GABBR2: variants seen among roughly 807,000 people sequenced by gnomAD.
GABBR2 encodes the protein G-protein coupled receptor 51.
A neutral mutation model predicts 105.6 loss-of-function variants in GABBR2; 23 were observed. The observed-to-expected ratio is 0.22, with a 90% CI of 0.16 to 0.31. The LOEUF (loss-of-function observed/expected upper bound fraction) is 0.31. Ranked by LOEUF, GABBR2 falls within the 10% of genes least tolerant of loss-of-function variation. The probability of loss-of-function intolerance (pLI) is 1.00; values close to 1 mark genes in which losing one functional copy is unlikely to be tolerated. For synonymous variants in GABBR2, 478 were observed against 499.7 expected (o/e 0.96, Z 0.58); for missense variants, 734 against 1,245.5 (o/e 0.59, Z 6.18).
At chr9:98,501,436 A>G (rs1306840703) in intron 3 of GABBR2, among the ~76,000 whole-genome samples, 1 of 152,218 alleles carries the variant, frequency 6.6e-6, no homozygotes, top group Non-Finnish European at 1.5e-5. Flanking sequence ...AAGTGCTGCA[A>G]TTATAGGCGT....
At chr9:98,351,121 T>C (rs950897004) in intron 13 of GABBR2, among the ~76,000 whole-genome samples, 42 of 152,284 alleles carry the variant, frequency 2.8e-4, no homozygotes, top group African/African-American at 9.6e-4. Context: ...AGTCTATTTA[T>C]ATCTTTTTCA....
Position 98,454,276 on chromosome 9 carries a change from CTGA to C in GABBR2, c.1000-62_1000-60del. 1 of 1,175,670 alleles carries C rather than the reference CTGA, an allele frequency of 8.5e-7. No homozygotes were observed. The highest frequency in any genetic ancestry group is 1.3e-6 in the Non-Finnish European group (1 of 781,292). The allele number at this position is 1,175,670 out of a possible 1,614,324, so 72.8% of individuals were successfully genotyped here. On this transcript the variant is annotated intron_variant, in intron 6 of 18. Coordinates refer to ENST00000259455, the MANE Select transcript of GABBR2 (RefSeq NM_005458.8). This position sits in a 1 kb window ranked among gnomAD's most constrained non-coding sequence, Gnocchi z 4.6. ...TATACTCGGCAGGGACATCAGGTGC[CTGA>C]TGCCGAGAAGAGCTGCTATTCTTCA...
chr9:98,366,248 T>C (rs529016445), intron 12 of GABBR2, among the ~76,000 whole-genome samples: 1 of 152,340 alleles, frequency 6.6e-6, no homozygotes, highest in Non-Finnish European at 1.5e-5. Flanking sequence ...ACTTCTGGGT[T>C]GTTTAGAGCA....
At chr9:98,419,906 C>T (rs1286313077) in intron 7 of GABBR2, among the ~76,000 whole-genome samples, 2 of 152,118 alleles carry the variant, frequency 1.3e-5, no homozygotes, top group South Asian at 2.1e-4. Flanking sequence ...AGCGCGAGTC[C>T]TCCAGGAATT....
chr9:98,322,564 G>A (rs1278510661), intron 13 of GABBR2, among the ~76,000 whole-genome samples: 1 of 151,572 alleles, frequency 6.6e-6, no homozygotes, highest in Admixed American at 6.6e-5. Context: ...AAAGACATCC[G>A]GGCCCCATGA....
At position 98,361,010 on chromosome 9, in the gene GABBR2, T is replaced by A. The variant is rs1451440399; in HGVS notation, c.1893+1705A>T. On this transcript the variant is annotated intron_variant, in intron 13 of 18. Transcript: ENST00000259455. ...CTCTGCCTGACTCACCCTGCTCTTA[T>A]TTCTTGATCTCCTGGGCCCTCAGTC... 2.0e-5 allele frequency among the ~76,000 whole-genome samples: 3 copies of A among 152,206 alleles called. No homozygotes were observed. In the East Asian group the frequency reaches 5.8e-4, roughly 29 times the overall value.
intron 1 of GABBR2, among the ~76,000 whole-genome samples, chr9:98,668,453 G>T (rs1464232322): frequency 6.6e-6 from 1 of 152,178 alleles, no homozygotes; most frequent in Non-Finnish European, 1.5e-5. Context: ...AAGATTGGAG[G>T]TTGGGGAGTA....
chr9:98,440,693 G>T (rs1449501673), intron 7 of GABBR2, among the ~76,000 whole-genome samples: 1 of 152,242 alleles, frequency 6.6e-6, no homozygotes, highest in African/African-American at 2.4e-5. Context: ...ACACTTCCAA[G>T]TGTCCTTCTC....
intron 13 of GABBR2, among the ~76,000 whole-genome samples, chr9:98,324,887 C>T (rs559451314): frequency 6.6e-6 from 1 of 152,240 alleles, no homozygotes; most frequent in African/African-American, 2.4e-5. Flanking sequence ...CTCTCATATA[C>T]CCTCTGGCAA....
intron 2 of GABBR2, among the ~76,000 whole-genome samples, chr9:98,542,814 C>A (rs976488146): frequency 6.6e-6 from 1 of 152,156 alleles, no homozygotes; most frequent in African/African-American, 2.4e-5. Context: ...TGAATCATAT[C>A]GCATTCATGG....
chr9:98,448,127 G>A (rs1381027298), intron 7 of GABBR2, among the ~76,000 whole-genome samples: 1 of 152,000 alleles, frequency 6.6e-6, no homozygotes, highest in Non-Finnish European at 1.5e-5. Context: ...GAGACACTGG[G>A]CAGAGGATGA....
At chr9:98,668,479 A>T (rs1830365583) in intron 1 of GABBR2, among the ~76,000 whole-genome samples, 1 of 152,174 alleles carries the variant, frequency 6.6e-6, no homozygotes, top group Non-Finnish European at 1.5e-5. Flanking sequence ...CTAACATTTT[A>T]ACTTTCTTAA....
chr9:98,372,829 A>C (rs1308995447), intron 11 of GABBR2, among the ~76,000 whole-genome samples: 2 of 152,248 alleles, frequency 1.3e-5, no homozygotes, highest in Non-Finnish European at 2.9e-5. Flanking sequence ...AACTATTTTT[A>C]GATTGCAAGG....
chr9:98,480,114 G>A (rs1398787629), intron 5 of GABBR2, among the ~76,000 whole-genome samples: 2 of 152,074 alleles, frequency 1.3e-5, no homozygotes, highest in African/African-American at 2.4e-5. Context: ...CAGACACTAC[G>A]CCTAGAATGA....
intron 7 of GABBR2, among the ~76,000 whole-genome samples, chr9:98,447,883 T>C (rs1436955284): frequency 6.6e-6 from 1 of 152,090 alleles, no homozygotes; most frequent in Admixed American, 6.5e-5. Flanking sequence ...AAATAATTTT[T>C]TAAAAATCTT....
At chr9:98,639,759 G>A (rs564764788) in intron 1 of GABBR2, among the ~76,000 whole-genome samples, 1 of 152,094 alleles carries the variant, frequency 6.6e-6, no homozygotes, top group South Asian at 2.1e-4. Context: ...TGCAGTGTCT[G>A]CATTGTCACT....
At chr9:98,380,283 A>C (rs1337204657) in intron 11 of GABBR2, among the ~76,000 whole-genome samples, 1 of 152,200 alleles carries the variant, frequency 6.6e-6, no homozygotes, top group African/African-American at 2.4e-5. Flanking sequence ...AATGCTTCTG[A>C]GAGCCCAGGA....
At chr9:98,447,837 TA>T (rs1426329264) in intron 7 of GABBR2, among the ~76,000 whole-genome samples, 2 of 151,410 alleles carry the variant, frequency 1.3e-5, no homozygotes, top group Non-Finnish European at 2.9e-5. Context: ...GTGACTTGTC[TA>T]GGGGGTGGGG....
intron 2 of GABBR2, among the ~76,000 whole-genome samples, chr9:98,564,860 C>T (rs150733058): frequency 0.013 from 2,043 of 152,188 alleles, 21 homozygotes; most frequent in Non-Finnish European, 0.022. Flanking sequence ...GTGAGGAAAA[C>T]GCTGGGTACC....
Sources: gnomAD v4.1 joint callset for allele counts (sites outside exome capture counted in the v4.1 genomes callset) on GRCh38, gnomAD v4.1.1 for gene constraint, Gnocchi (gnomAD v3.1) non-coding constraint, MANE v1.5 for transcripts, NCBI Gene and HGNC (gene_info 2026-07-23, HGNC 2026-07-21) for gene names.